Variants in ARHGAP44 observed in about 807,000 individuals in gnomAD.
The protein encoded by ARHGAP44 is rho GTPase-activating protein 44.
Under a neutral mutation model 106.8 loss-of-function variants are expected in ARHGAP44, and 43 were observed. The observed-to-expected ratio is 0.40, with a 90% CI of 0.32 to 0.52. ARHGAP44 has a LOEUF of 0.52. Ranked by LOEUF, ARHGAP44 falls within the 20% of genes least tolerant of loss-of-function variation. The pLI is 0.48. For missense variants in ARHGAP44, 866 were observed against 1,050.5 expected (o/e 0.82, Z 2.43); for synonymous variants, 439 against 410.3 (o/e 1.07, Z -0.85).
intron 1 of ARHGAP44, among the ~76,000 whole-genome samples, chr17:12,874,156 C>T (rs1030219557): frequency 1.3e-5 from 2 of 152,042 alleles, no homozygotes; most frequent in Admixed American, 1.3e-4. Flanking sequence ...ATTATGTCAG[C>T]ATTCAAAATA....
intron 7 of ARHGAP44, among the ~76,000 whole-genome samples, chr17:12,939,350 G>A (rs1205650613): frequency 6.6e-6 from 1 of 152,022 alleles, no homozygotes; most frequent in Non-Finnish European, 1.5e-5. Context: ...TTGAACTCTT[G>A]CTACCTATGG....
intron 10 of ARHGAP44, among the ~76,000 whole-genome samples, chr17:12,945,552 G>A (rs952993367): frequency 6.6e-6 from 1 of 152,086 alleles, no homozygotes; most frequent in African/African-American, 2.4e-5. Flanking sequence ...TCTCAGTTAA[G>A]CCTAATTCAT....
intron 1 of ARHGAP44, among the ~76,000 whole-genome samples, chr17:12,867,835 A>G (rs1597968252): frequency 6.6e-6 from 1 of 152,218 alleles, no homozygotes; most frequent in African/African-American, 2.4e-5. Flanking sequence ...GACAAACCAC[A>G]TAAATCTTGT....
intron 1 of ARHGAP44, among the ~76,000 whole-genome samples, chr17:12,793,320 A>G (rs1227193271): frequency 6.6e-6 from 1 of 152,242 alleles, no homozygotes; most frequent in Non-Finnish European, 1.5e-5. Context: ...ACTATGGCAT[A>G]TGTACCTTTA....
At chr17:12,877,140 A>G (rs2036581929) in intron 1 of ARHGAP44, among the ~76,000 whole-genome samples, 1 of 152,218 alleles carries the variant, frequency 6.6e-6, no homozygotes, top group African/African-American at 2.4e-5. Context: ...AAAGCAGCAA[A>G]TGCAGCAGGA....
rs894047651 is a variant in ARHGAP44 at position 12,990,228 on chromosome 17, G to A, written c.*57G>A. On this transcript the variant is annotated 3_prime_UTR_variant, in exon 21 of 21. Transcript: ENST00000379672. ...ATACATCACGGGCCCTAGGAACGCCGCCAGGAGCAGCGTCCATGAGCTTGC... is the reference window on the plus strand; with the variant it reads ...ATACATCACGGGCCCTAGGAACGCCACCAGGAGCAGCGTCCATGAGCTTGC... 30 of 1,561,842 alleles carry A rather than the reference G, an allele frequency of 1.9e-5. No individual in the cohort carries two copies. Among genetic ancestry groups the A allele is most frequent in the Admixed American group, 1.1e-4 (6 of 57,084 alleles).
chr17:12,955,031 C>A (rs983745440), intron 13 of ARHGAP44, among the ~76,000 whole-genome samples: 3 of 152,122 alleles, frequency 2.0e-5, no homozygotes, highest in African/African-American at 7.2e-5. Flanking sequence ...CCAACCATGC[C>A]CCTAAGCAAC....
intron 1 of ARHGAP44, among the ~76,000 whole-genome samples, chr17:12,816,721 G>A (rs965858947): frequency 2.0e-5 from 3 of 152,094 alleles, no homozygotes; most frequent in Admixed American, 2.0e-4. Context: ...ATAATTCTAC[G>A]TGTGTATGCA....
intron 1 of ARHGAP44, 172 bp downstream of exon 1, chr17:12,790,063 C>A: frequency 1.8e-6 from 1 of 567,400 alleles, no homozygotes; most frequent in Non-Finnish European, 2.9e-6. Flanking sequence ...CCTAACTTCC[C>A]AGACCCCGGA....
intron 19 of ARHGAP44, chr17:12,982,810 G>T (rs560899529): frequency 3.2e-4 from 48 of 152,132 alleles, no homozygotes; most frequent in African/African-American, 1.2e-3. Context: ...ATTCTGAAGG[G>T]CATGTCCTTC....
intron 7 of ARHGAP44, among the ~76,000 whole-genome samples, chr17:12,933,723 A>G (rs2038464830): frequency 6.6e-6 from 1 of 152,240 alleles, no homozygotes; most frequent in South Asian, 2.1e-4. Context: ...ACTTGGCAAC[A>G]GCAGTATCAG....
chr17:12,955,309 T>C (rs2039100019), intron 13 of ARHGAP44, among the ~76,000 whole-genome samples: 1 of 152,256 alleles, frequency 6.6e-6, no homozygotes, highest in Non-Finnish European at 1.5e-5. Flanking sequence ...TTAATAATTA[T>C]GATTCCATGA....
At chr17:12,989,123 AAACT>A (rs1363446019) in intron 20 of ARHGAP44, among the ~76,000 whole-genome samples, 10 of 148,222 alleles carry the variant, frequency 6.7e-5, no homozygotes, top group Non-Finnish European at 7.5e-5. Flanking sequence ...AAAAAAAAAA[AAACT>A]AAGCAGGCGG....
At chr17:12,800,282 T>A (rs2034050660) in intron 1 of ARHGAP44, among the ~76,000 whole-genome samples, 1 of 152,244 alleles carries the variant, frequency 6.6e-6, no homozygotes, top group Admixed American at 6.5e-5. Context: ...AGAGCATGCC[T>A]GAAGGCAGCA....
chr17:12,928,079 A>T (rs2038298202), intron 6 of ARHGAP44, among the ~76,000 whole-genome samples: 1 of 152,180 alleles, frequency 6.6e-6, no homozygotes, highest in Admixed American at 6.5e-5. Context: ...TTCCCTGCTG[A>T]TAACACAGCA....
In ARHGAP44 at chr17:12,945,649, G is replaced by A. The variant is rs1598097699; in HGVS notation, c.861+1453G>A. ...GGATGAGAAGGAAGCCAGTGAGCAT[G>A]CGGGTGTATGTGGCATGCTTCCTGT... On this transcript the variant is annotated intron_variant, in intron 10 of 20. Coordinates refer to ENST00000379672, the MANE Select transcript of ARHGAP44 (RefSeq NM_014859.6). Among the ~76,000 whole-genome samples the A allele has an allele frequency of 8.5e-5, 13 of 152,340 alleles. 3 individuals carry two copies. The South Asian group carries it at 2.7e-3, about 32-fold the overall frequency.
At position 12,986,856 on chromosome 17, in the gene ARHGAP44, C is replaced by T. The variant is rs183237487; in HGVS notation, c.2317+1948C>T. 456 of 426,962 alleles carry T rather than the reference C, an allele frequency of 1.1e-3. 1 individual carries two copies. Among genetic ancestry groups the T allele is most frequent in the African/African-American group, 5.9e-3 (295 of 49,952 alleles). The allele number at this position is 426,962 out of a possible 1,614,324, so 26.4% of individuals were successfully genotyped here. ...ATGTTCCATCTTGCAGGTTTAAGAA[C>T]TCCTGACCTTCAGGATTCATAATGT... is the stretch of plus-strand genomic sequence containing the variant. On this transcript the variant is annotated intron_variant, in intron 20 of 20. Coordinates refer to ENST00000379672, the MANE Select transcript of ARHGAP44 (RefSeq NM_014859.6).
At chr17:12,881,275 C>G (rs187674547) in intron 1 of ARHGAP44, among the ~76,000 whole-genome samples, 2 of 151,942 alleles carry the variant, frequency 1.3e-5, no homozygotes, top group East Asian at 1.9e-4. Flanking sequence ...TATTTTTTCC[C>G]TTAGGCGTTT....
At chr17:12,881,295 AC>A (rs2036730695) in intron 1 of ARHGAP44, among the ~76,000 whole-genome samples, 1 of 152,086 alleles carries the variant, frequency 6.6e-6, no homozygotes, top group African/African-American at 2.4e-5. Context: ...TTAATATCTC[AC>A]CTTTTACATT....
Sources: gnomAD v4.1 joint callset for allele counts (sites outside exome capture counted in the v4.1 genomes callset) on GRCh38, gnomAD v4.1.1 for gene constraint, MANE v1.5 for transcripts, NCBI Gene and HGNC (gene_info 2026-07-23, HGNC 2026-07-21) for gene names.